TMEM63C: variants seen among roughly 807,000 people sequenced by gnomAD.
TMEM63C encodes osmosensitive cation channel TMEM63C.
TMEM63C carries 32 observed loss-of-function variants against 99.2 expected under a neutral mutation model. The ratio of observed to expected loss-of-function variants is 0.32; its 90% confidence interval spans 0.24 to 0.43. TMEM63C has a LOEUF of 0.43. TMEM63C is among the 20% of genes least tolerant of loss of function. TMEM63C has a pLI of 1.00. For synonymous variants in TMEM63C, 376 were observed against 397.9 expected, an observed-to-expected ratio of 0.94 and a Z score of 0.66; for missense variants, 826 against 1,053.0, an observed-to-expected ratio of 0.78 and a Z score of 2.98.
In TMEM63C at chr14:77,252,019, C is replaced by T. The variant is rs1889371236; in HGVS notation, c.2148+121C>T. On this transcript the variant is annotated intron_variant, in intron 22 of 23. Transcript: ENST00000298351. Reference sequence around the variant, plus strand: ...GGATGAAAGGGTCTCGCCTTTGTCTCTGACTGTAGAGCGTGGAGCCCAGTG... The same window carrying T: ...GGATGAAAGGGTCTCGCCTTTGTCTTTGACTGTAGAGCGTGGAGCCCAGTG... The T allele has an allele frequency of 7.1e-6, 6 of 843,264 alleles. No individual in the cohort carries two copies. In the Admixed American group the frequency reaches 1.1e-4, roughly 16 times the overall value. The allele number at this position is 843,264 out of a possible 1,614,324, so 52.2% of individuals were successfully genotyped here.
intron 6 of TMEM63C, among the ~76,000 whole-genome samples, chr14:77,228,631 C>T (rs941793903): frequency 4.0e-5 from 6 of 151,836 alleles, no homozygotes; most frequent in East Asian, 1.9e-4. Context: ...CCGCCTCCCA[C>T]GTTCAAACAA....
intron 1 of TMEM63C, among the ~76,000 whole-genome samples, chr14:77,199,437 C>G (rs927048051): frequency 9.2e-5 from 14 of 152,152 alleles, no homozygotes; most frequent in African/African-American, 3.4e-4. Context: ...CTCACCAGAC[C>G]CTTCTCATCC....
In TMEM63C at chr14:77,256,517, C is replaced by T. The variant is rs775562869; in HGVS notation, c.2221-9C>T. 3.1e-6 allele frequency: 5 copies of T among 1,613,700 alleles called. No individual in the cohort carries two copies. The African/African-American group carries it at 5.3e-5, about 17-fold the overall frequency. On this transcript the variant is annotated splice_polypyrimidine_tract_variant and intron_variant, in intron 23 of 23. Transcript: ENST00000298351. The stretch of plus-strand genomic sequence containing the variant: ...CCTTGCTCCTGTCCCCTGTCTCTAT[C>T]CCAAGCAGCTGTATGTGGCCACCGT...
intron 2 of TMEM63C, 41 bp from the exon 3 acceptor site, chr14:77,218,760 G>C: frequency 2.5e-6 from 4 of 1,600,122 alleles, no homozygotes; most frequent in Admixed American, 1.7e-5. Flanking sequence ...CAAAATGCAA[G>C]GGAGTCTTTG....
rs745426506 is a variant in TMEM63C, at chr14:77,242,337, C to A, written c.1065-10C>A. On this transcript the variant is annotated splice_polypyrimidine_tract_variant and intron_variant, in intron 13 of 23. Transcript: ENST00000298351. ...GACCCACATTTCTTCCTCTTCTCCCCTCTCTGCAGTGTCCGTAAGGATTAC... is the reference window on the plus strand; with the variant it reads ...GACCCACATTTCTTCCTCTTCTCCCATCTCTGCAGTGTCCGTAAGGATTAC... 2 of 1,608,456 alleles carry A rather than the reference C, an allele frequency of 1.2e-6. No individual in the cohort carries two copies. Among genetic ancestry groups the A allele is most frequent in the Non-Finnish European group, 1.7e-6 (2 of 1,176,424 alleles).
intron 5 of TMEM63C, among the ~76,000 whole-genome samples, chr14:77,221,875 C>A (rs1888730089): frequency 6.6e-6 from 1 of 151,828 alleles, no homozygotes; most frequent in South Asian, 2.1e-4. Flanking sequence ...CACAGGTGCT[C>A]TCCGTTGCAT....
chr14:77,245,741 A>G (rs965286929), intron 16 of TMEM63C, among the ~76,000 whole-genome samples, 199 bp from the exon 17 acceptor site: 17 of 152,118 alleles, frequency 1.1e-4, no homozygotes, highest in Admixed American at 5.2e-4. Context: ...CATGGGAAAG[A>G]CCCACCCCCC....
At position 77,256,880 on chromosome 14, in the gene TMEM63C, C is replaced by CG; in HGVS notation, c.*159dup. 1.4e-6 allele frequency: 1 copy of CG among 719,754 alleles called. No homozygotes were observed. Among genetic ancestry groups the CG allele is most frequent in the Non-Finnish European group, 2.3e-6 (1 of 444,304 alleles). 44.6% of individuals were successfully genotyped at this position (719,754 alleles called of 1,614,324 possible). On this transcript the variant is annotated 3_prime_UTR_variant, in exon 24 of 24. Coordinates refer to ENST00000298351, the MANE Select transcript of TMEM63C (RefSeq NM_020431.4). ...TCCACCACCCCAGCCATGGGCCATA[C>CG]GGGGGTCCTGACCTGCTGCCCGGCT...
In TMEM63C at chr14:77,218,801, G is replaced by T; in HGVS notation, c.-13G>T. On this transcript the variant is annotated splice_region_variant and 5_prime_UTR_variant, in exon 3 of 24. Coordinates refer to ENST00000298351, the MANE Select transcript of TMEM63C (RefSeq NM_020431.4). ...GACCTGGATGCCCTCTGTTTCCCAG[G>T]GATCCTCCCAGGATGTCTGCCTCAC... The T allele has an allele frequency of 6.2e-7, 1 of 1,612,458 alleles. No homozygotes were observed. Among genetic ancestry groups the T allele is most frequent in the African/African-American group, 1.3e-5 (1 of 75,028 alleles).
intron 16 of TMEM63C, among the ~76,000 whole-genome samples, chr14:77,244,669 G>T (rs1409778520): frequency 6.6e-6 from 1 of 152,248 alleles, no homozygotes. Flanking sequence ...CTGGGTTGCT[G>T]AGATAGAGCC....
rs762468317 is a variant in TMEM63C, at chr14:77,256,506, CCT to C, written c.2221-19_2221-18del. 7.4e-6 allele frequency: 12 copies of C among 1,613,472 alleles called. No individual in the cohort carries two copies. In the East Asian group the frequency reaches 2.0e-4, roughly 27 times the overall value. On this transcript the variant is annotated intron_variant, in intron 23 of 23. Coordinates refer to ENST00000298351, the MANE Select transcript of TMEM63C (RefSeq NM_020431.4). ...CCCCAACGTGACCTTGCTCCTGTCC[CCT>C]GTCTCTATCCCAAGCAGCTGTATGT...
chr14:77,201,111 G>T (rs1439258531), intron 1 of TMEM63C: 1 of 151,174 alleles, frequency 6.6e-6, no homozygotes, highest in South Asian at 2.1e-4. Flanking sequence ...CACAGCAAAA[G>T]AGAAGCTATC....
chr14:77,242,276 G>T, intron 13 of TMEM63C, 71 bp from the exon 14 acceptor site: 1 of 1,561,348 alleles, frequency 6.4e-7, no homozygotes, highest in Admixed American at 1.7e-5. Context: ...TGAGCTCCTG[G>T]CATGAGACCC....
At chr14:77,251,716 C>G (rs1304296376) in intron 21 of TMEM63C, 73 bp from the exon 22 acceptor site, 1 of 1,244,234 alleles carries the variant, frequency 8.0e-7, no homozygotes, top group East Asian at 2.3e-5. Context: ...TGTGACGGTC[C>G]CTGGCATCTG....
chr14:77,204,045 C>T (rs1888353937), intron 1 of TMEM63C, among the ~76,000 whole-genome samples: 1 of 152,238 alleles, frequency 6.6e-6, no homozygotes, highest in Admixed American at 6.5e-5. Flanking sequence ...TGGCTGCCTG[C>T]CGGCATCTTA....
intron 1 of TMEM63C, among the ~76,000 whole-genome samples, chr14:77,189,726 G>A (rs7148579): frequency 0.32 from 49,130 of 152,174 alleles, 9,434 homozygotes; most frequent in East Asian, 0.67. Context: ...TGGGGAGTCA[G>A]GAAAGGGTCC....
intron 1 of TMEM63C, among the ~76,000 whole-genome samples, chr14:77,211,179 C>T (rs1375338590): frequency 2.0e-5 from 3 of 152,206 alleles, no homozygotes; most frequent in South Asian, 4.1e-4. Flanking sequence ...TCCCCTTCCT[C>T]TGCCCCCTGC....
At chr14:77,205,903 G>A (rs1042755923) in intron 1 of TMEM63C, among the ~76,000 whole-genome samples, 3 of 152,200 alleles carry the variant, frequency 2.0e-5, no homozygotes, top group Admixed American at 1.3e-4. Flanking sequence ...ATGACCCTGG[G>A]CAGGCTACAC....
chr14:77,228,540 C>CTTT (rs34337596), intron 6 of TMEM63C, among the ~76,000 whole-genome samples: 49 of 146,076 alleles, frequency 3.4e-4, no homozygotes, highest in East Asian at 3.2e-3. Flanking sequence ...AAAAATAAAT[C>CTTT]TTTTTTTTTT....
Sources: allele counts gnomAD v4.1 joint callset (sites outside exome capture counted in the v4.1 genomes callset), GRCh38; gene constraint gnomAD v4.1.1; transcripts MANE v1.5; gene names NCBI Gene and HGNC (gene_info 2026-07-23, HGNC 2026-07-21).